DLGAP1: variants seen among roughly 807,000 people sequenced by gnomAD.
DLGAP1 encodes disks large-associated protein 1.
In DLGAP1, 11 loss-of-function variants were observed where a neutral mutation model predicts 90.8. The ratio of observed to expected loss-of-function variants is 0.12; its 90% CI spans 0.08 to 0.20. The LOEUF (loss-of-function observed/expected upper bound fraction) is 0.20, where lower values mean the gene tolerates loss of function less well. DLGAP1 is among the 10% of genes least tolerant of loss of function. The probability of loss-of-function intolerance (pLI) is 1.00; values close to 1 mark genes in which losing one functional copy is unlikely to be tolerated. For synonymous variants in DLGAP1, 558 were observed against 540.7 expected (o/e 1.03, Z -0.44); for missense variants, 1,050 against 1,333.8 (o/e 0.79, Z 3.31).
chr18:3,918,944 C>T (rs983077191), intron 3 of DLGAP1, among the ~76,000 whole-genome samples: 3 of 77,808 alleles, frequency 3.9e-5, no homozygotes, highest in East Asian at 3.5e-4. Context: ...CCTACCAGCA[C>T]GGATCTACAC....
intron 1 of DLGAP1, among the ~76,000 whole-genome samples, chr18:4,178,436 T>C (rs1054697808): frequency 6.6e-6 from 1 of 152,140 alleles, no homozygotes; most frequent in Non-Finnish European, 1.5e-5. Flanking sequence ...GTTTTATAAT[T>C]TTTTGCATAC....
intron 7 of DLGAP1, among the ~76,000 whole-genome samples, chr18:3,672,977 T>C (rs953263185): frequency 3.9e-5 from 6 of 152,214 alleles, no homozygotes; most frequent in Non-Finnish European, 7.3e-5. Flanking sequence ...CTTCAGTCTT[T>C]TGCCTCTTTA....
intron 1 of DLGAP1, among the ~76,000 whole-genome samples, chr18:4,420,668 T>C (rs985432474): frequency 6.6e-6 from 1 of 152,144 alleles, no homozygotes; most frequent in Admixed American, 6.5e-5. Context: ...AGATTCATAA[T>C]TTTGCCTAAT....
At chr18:4,366,078 A>C (rs1286423160) in intron 1 of DLGAP1, among the ~76,000 whole-genome samples, 1 of 152,104 alleles carries the variant, frequency 6.6e-6, no homozygotes, top group East Asian at 1.9e-4. Context: ...AATGACCGAG[A>C]TATACTTTCA....
intron 1 of DLGAP1, among the ~76,000 whole-genome samples, chr18:4,170,536 C>A (rs1027074474): frequency 6.6e-6 from 1 of 151,936 alleles, no homozygotes; most frequent in Non-Finnish European, 1.5e-5. Context: ...AGAGATTTAA[C>A]GGAGTTTAGC....
At chr18:3,560,640 C>G (rs2054035828) in intron 9 of DLGAP1, among the ~76,000 whole-genome samples, 1 of 148,992 alleles carries the variant, frequency 6.7e-6, no homozygotes, top group Non-Finnish European at 1.5e-5. Flanking sequence ...TGAGCACTGG[C>G]AGCAAGCTGC....
At chr18:3,651,824 A>T (rs1199698484) in intron 7 of DLGAP1, among the ~76,000 whole-genome samples, 1 of 152,000 alleles carries the variant, frequency 6.6e-6, no homozygotes, top group Non-Finnish European at 1.5e-5. Flanking sequence ...AATACAAAAT[A>T]GCCGGGCGTG....
At chr18:3,968,490 A>T (rs1014435863) in intron 3 of DLGAP1, among the ~76,000 whole-genome samples, 1 of 152,214 alleles carries the variant, frequency 6.6e-6, no homozygotes, top group Non-Finnish European at 1.5e-5. Context: ...ACTTGAAAAC[A>T]CAGAAAGTTA....
intron 3 of DLGAP1, among the ~76,000 whole-genome samples, chr18:3,996,242 T>G (rs1004640016): frequency 1.1e-4 from 17 of 152,144 alleles, no homozygotes; most frequent in Non-Finnish European, 1.5e-5. Flanking sequence ...AAATTCTACT[T>G]GCAGCTTTAG....
rs147390708 is a variant in DLGAP1 at position 4,161,290 on chromosome 18, G to T, written c.-266-10003C>A. On this transcript the variant is annotated intron_variant, in intron 1 of 12. Transcript: ENST00000315677. ...GTGTTGTTTCCCCGACCAACCCCAC[G>T]TGTCCATGTGTTCTCATTGTTCAAC... Among the ~76,000 whole-genome samples, 1,120 of 152,034 alleles carry T rather than the reference G, an allele frequency of 7.4e-3. 14 individuals carry two copies. Among genetic ancestry groups the T allele is most frequent in the African/African-American group, 0.026 (1,087 of 41,464 alleles).
intron 1 of DLGAP1, among the ~76,000 whole-genome samples, chr18:4,389,014 G>A (rs980970827): frequency 6.6e-6 from 1 of 152,048 alleles, no homozygotes; most frequent in Non-Finnish European, 1.5e-5. Context: ...CTGGGTATAT[G>A]GCCAAAAACA....
intron 5 of DLGAP1, among the ~76,000 whole-genome samples, chr18:3,764,243 T>C (rs1712776756): frequency 6.6e-6 from 1 of 152,228 alleles, no homozygotes; most frequent in Non-Finnish European, 1.5e-5. Context: ...CTAATTTCTG[T>C]AGTCTTAACC....
chr18:3,657,095 G>A (rs1461716446), intron 7 of DLGAP1, among the ~76,000 whole-genome samples: 1 of 152,142 alleles, frequency 6.6e-6, no homozygotes, highest in Non-Finnish European at 1.5e-5. Context: ...AATTAGACCT[G>A]ATAACAATCA....
intron 3 of DLGAP1, among the ~76,000 whole-genome samples, chr18:3,979,489 G>A (rs749774993): frequency 1.3e-4 from 20 of 152,030 alleles, no homozygotes; most frequent in African/African-American, 1.9e-4. Flanking sequence ...ATTAACTCAC[G>A]TGGATTTTTG....
At chr18:3,554,110 G>A (rs1172566097) in intron 9 of DLGAP1, among the ~76,000 whole-genome samples, 1 of 151,984 alleles carries the variant, frequency 6.6e-6, no homozygotes, top group Non-Finnish European at 1.5e-5. Flanking sequence ...TCAACAGAAA[G>A]GATTGGCTTA....
In DLGAP1 at chr18:4,243,069, C is replaced by T. The variant is rs75388227; in HGVS notation, c.-266-91782G>A. On this transcript the variant is annotated intron_variant, in intron 1 of 12. Coordinates refer to ENST00000315677, the MANE Select transcript of DLGAP1 (RefSeq NM_004746.4). ...TGCTCAGTTGACTCACCTGCCCTCTCACCGCTCTTAGATGGTGTGTTGTGA... is the reference window on the plus strand; with the variant it reads ...TGCTCAGTTGACTCACCTGCCCTCTTACCGCTCTTAGATGGTGTGTTGTGA... Among the ~76,000 whole-genome samples, 850 of 152,220 alleles carry T rather than the reference C, an allele frequency of 5.6e-3. 9 individuals are homozygous for T. The highest frequency in any genetic ancestry group is 0.034 in the Middle Eastern group (10 of 294).
At chr18:4,321,974 G>A (rs1162310210) in intron 1 of DLGAP1, among the ~76,000 whole-genome samples, 2 of 151,720 alleles carry the variant, frequency 1.3e-5, no homozygotes, top group East Asian at 3.9e-4. Flanking sequence ...TAGGGGGGTG[G>A]ATCACATGAG....
At chr18:4,409,836 T>G (rs2082739180) in intron 1 of DLGAP1, among the ~76,000 whole-genome samples, 1 of 152,092 alleles carries the variant, frequency 6.6e-6, no homozygotes, top group Non-Finnish European at 1.5e-5. Context: ...AGTCCTTATT[T>G]GAAAAAAGAT....
intron 4 of DLGAP1, among the ~76,000 whole-genome samples, chr18:3,855,698 C>T (rs1044811138): frequency 1.3e-5 from 2 of 152,126 alleles, no homozygotes; most frequent in African/African-American, 4.8e-5. Flanking sequence ...ACTGCAACCT[C>T]CACCTCCCCG....
Sources: allele counts gnomAD v4.1 joint callset (sites outside exome capture counted in the v4.1 genomes callset), GRCh38; gene constraint gnomAD v4.1.1; transcripts MANE v1.5; gene names NCBI Gene and HGNC (gene_info 2026-07-23, HGNC 2026-07-21).